SHANK2: variants seen among roughly 807,000 people sequenced by gnomAD.
SHANK2 encodes SH3 and multiple ankyrin repeat domains 2.
A neutral mutation model predicts 133.7 loss-of-function variants in SHANK2; 43 were observed. That is an observed-to-expected ratio of 0.32 (90% confidence interval 0.25 to 0.41). SHANK2 has a LOEUF of 0.41. Ranked by LOEUF, SHANK2 falls within the 10% of genes least tolerant of loss-of-function variation. The probability of loss-of-function intolerance (pLI) is 1.00; values close to 1 mark genes in which losing one functional copy is unlikely to be tolerated. For synonymous variants in SHANK2, 1,017 were observed against 952.8 expected (o/e 1.07, Z -1.24); for missense variants, 1,994 against 2,235.8 (o/e 0.89, Z 2.18).
intron 2 of SHANK2, among the ~76,000 whole-genome samples, chr11:71,186,451 TC>T (rs1167916522): frequency 1.3e-5 from 2 of 152,190 alleles, no homozygotes; most frequent in East Asian, 3.9e-4. Flanking sequence ...ACAACCTCTA[TC>T]CCCCAACCTA....
At chr11:70,890,292 T>G (rs1431229942) in intron 11 of SHANK2, among the ~76,000 whole-genome samples, 7 of 151,626 alleles carry the variant, frequency 4.6e-5, no homozygotes, top group African/African-American at 1.5e-4. Context: ...TCACCTGAGG[T>G]CAGGAGTTCA....
At chr11:70,817,782 C>T (rs1231389391) in intron 12 of SHANK2, among the ~76,000 whole-genome samples, 6 of 152,290 alleles carry the variant, frequency 3.9e-5, no homozygotes, top group South Asian at 2.1e-4. Flanking sequence ...TCACTCAGGC[C>T]GGAGTGCAGT....
chr11:71,122,886 CA>C (rs1268267112), intron 3 of SHANK2, among the ~76,000 whole-genome samples: 6 of 152,166 alleles, frequency 3.9e-5, no homozygotes, highest in African/African-American at 1.4e-4. Context: ...GAATTTGAGA[CA>C]ATACGTGTCT....
intron 11 of SHANK2, among the ~76,000 whole-genome samples, chr11:70,835,026 G>A (rs1186032971): frequency 1.3e-5 from 2 of 152,188 alleles, no homozygotes; most frequent in Non-Finnish European, 2.9e-5. Context: ...GAGGGTGAAG[G>A]TGGGTCTGAC....
chr11:70,612,464 G>A (rs374788453), intron 17 of SHANK2, among the ~76,000 whole-genome samples: 2 of 152,286 alleles, frequency 1.3e-5, no homozygotes, highest in East Asian at 1.9e-4. Context: ...ATATGCATGC[G>A]TGCATACATA....
At chr11:70,695,456 G>A (rs1945372862) in intron 15 of SHANK2, among the ~76,000 whole-genome samples, 1 of 152,172 alleles carries the variant, frequency 6.6e-6, no homozygotes, top group African/African-American at 2.4e-5. Context: ...CCACGTAGTG[G>A]CTGATTCCAT....
At chr11:71,058,898 C>A (rs2135926728) in intron 9 of SHANK2, among the ~76,000 whole-genome samples, 1 of 152,358 alleles carries the variant, frequency 6.6e-6, no homozygotes, top group African/African-American at 2.4e-5. Flanking sequence ...GGCGGTGGGA[C>A]CTGGCAGATC....
At chr11:70,619,508 C>T (rs978949480) in intron 17 of SHANK2, among the ~76,000 whole-genome samples, 3 of 152,202 alleles carry the variant, frequency 2.0e-5, no homozygotes, top group Non-Finnish European at 4.4e-5. Flanking sequence ...CTAAGCGATC[C>T]GTGATGACCT....
At chr11:71,089,857 G>A (rs1046230377) in intron 8 of SHANK2, among the ~76,000 whole-genome samples, 9 of 152,210 alleles carry the variant, frequency 5.9e-5, no homozygotes, top group Admixed American at 5.9e-4. Context: ...AGGGCCATCT[G>A]GGGCTGGAAC....
chr11:71,127,723 T>C (rs1952217851), intron 3 of SHANK2, among the ~76,000 whole-genome samples: 1 of 152,252 alleles, frequency 6.6e-6, no homozygotes, highest in Non-Finnish European at 1.5e-5. Context: ...AACTTTAATG[T>C]GCATTGGGAA....
chr11:70,488,552 G>A lies in SHANK2; in HGVS notation c.2572+776C>T, dbSNP rs528992613. Among the ~76,000 whole-genome samples, 124 of 152,304 alleles carry A rather than the reference G, an allele frequency of 8.1e-4. 1 individual carries two copies. In the Middle Eastern group the frequency reaches 0.024, roughly 29 times the overall value. ...GCTGGGGAATTGCAGCTCAGAGGAG[G>A]GGCCATGTGGGCTCTAGAGCCTGCC... On this transcript the variant is annotated intron_variant, in intron 24 of 25. Transcript: ENST00000601538.
chr11:71,061,922 T>C (rs1352883948), intron 9 of SHANK2, among the ~76,000 whole-genome samples: 1 of 150,564 alleles, frequency 6.6e-6, no homozygotes, highest in African/African-American at 2.4e-5. Flanking sequence ...TCCCGTCAAA[T>C]CACCCCCAGT....
At chr11:70,867,080 G>A (rs984351043) in intron 11 of SHANK2, among the ~76,000 whole-genome samples, 4 of 149,880 alleles carry the variant, frequency 2.7e-5, no homozygotes, top group East Asian at 2.0e-4. Flanking sequence ...ACAGGACCTC[G>A]TAGCCCAGAG....
intron 3 of SHANK2, among the ~76,000 whole-genome samples, chr11:71,138,660 GAA>G (rs1197016078): frequency 6.7e-6 from 1 of 149,996 alleles, no homozygotes. Flanking sequence ...CTACTAAAAA[GAA>G]AAAAAAATCC....
At chr11:70,822,050 G>A (rs1948535760) in intron 11 of SHANK2, among the ~76,000 whole-genome samples, 1 of 152,252 alleles carries the variant, frequency 6.6e-6, no homozygotes, top group Non-Finnish European at 1.5e-5. Context: ...CAGAGCCTAA[G>A]ACAGCGAGTG....
At position 70,607,302 on chromosome 11, in the gene SHANK2, C is replaced by T. The variant is rs538391614; in HGVS notation, c.2061+52526G>A. ...CAGGCTGAACTCTGAGCCCAGCCTC[C>T]GTGGAAGGTCAGAGGTGACCAGCTG... On this transcript the variant is annotated intron_variant, in intron 17 of 25. Coordinates refer to ENST00000601538, the MANE Select transcript of SHANK2 (RefSeq NM_012309.5). Among the ~76,000 whole-genome samples, 54 of 152,298 alleles carry T rather than the reference C, an allele frequency of 3.5e-4. No individual in the cohort carries two copies. In the South Asian group the frequency reaches 7.9e-3, roughly 22 times the overall value.
chr11:70,783,847 C>T, intron 14 of SHANK2, among the ~76,000 whole-genome samples: 1 of 152,182 alleles, frequency 6.6e-6, no homozygotes, highest in East Asian at 1.9e-4. Context: ...CAGGATCCTC[C>T]CATCTATTCG....
At chr11:70,543,018 C>T (rs781906785) in intron 17 of SHANK2, among the ~76,000 whole-genome samples, 40 of 152,116 alleles carry the variant, frequency 2.6e-4, no homozygotes, top group Non-Finnish European at 4.7e-4. Flanking sequence ...AGGGCAGGGG[C>T]GGCATGCGCT....
At chr11:70,808,942 C>T (rs1555052595) in intron 12 of SHANK2, among the ~76,000 whole-genome samples, 2 of 152,198 alleles carry the variant, frequency 1.3e-5, no homozygotes, top group Admixed American at 6.5e-5. Flanking sequence ...GCTAGAGGAA[C>T]TCATATCCGT....
Sources: allele counts gnomAD v4.1 joint callset (sites outside exome capture counted in the v4.1 genomes callset), GRCh38; gene constraint gnomAD v4.1.1; transcripts MANE v1.5; gene names NCBI Gene and HGNC (gene_info 2026-07-23, HGNC 2026-07-21).